The following VEPH1 variants were observed in gnomAD, a reference collection of about 807,000 sequenced individuals.
VEPH1 encodes the protein ventricular zone expressed PH domain containing 1.
VEPH1 carries 80 observed loss-of-function variants against 85.2 expected under a neutral mutation model. That is an observed-to-expected ratio of 0.94 (90% CI 0.78 to 1.13). The LOEUF (loss-of-function observed/expected upper bound fraction) is 1.13. Ranked by LOEUF, VEPH1 falls within the 50% of genes most tolerant of loss-of-function variation. The pLI, the probability that VEPH1 is intolerant of heterozygous loss-of-function variation, is 0.00. For missense variants in VEPH1, 955 were observed against 980.5 expected (o/e 0.97, Z 0.35); for synonymous variants, 297 against 348.0 (o/e 0.85, Z 1.63).
intron 11 of VEPH1, among the ~76,000 whole-genome samples, chr3:157,304,224 C>G (rs1271724163): frequency 6.6e-6 from 1 of 151,930 alleles, no homozygotes; most frequent in Non-Finnish European, 1.5e-5. Context: ...CCTTGACACT[C>G]CTGTCAGTTA....
At chr3:157,388,306 T>C (rs1374128439) in intron 6 of VEPH1, among the ~76,000 whole-genome samples, 4 of 152,192 alleles carry the variant, frequency 2.6e-5, no homozygotes, top group African/African-American at 9.6e-5. Flanking sequence ...GAGAGTCTCT[T>C]TCTTAATTGA....
intron 1 of VEPH1, among the ~76,000 whole-genome samples, chr3:157,500,897 G>A (rs1351170668): frequency 6.6e-6 from 1 of 152,110 alleles, no homozygotes; most frequent in African/African-American, 2.4e-5. Flanking sequence ...GACTCCCTGA[G>A]CCTGGAATTC....
chr3:157,360,256 C>A (rs1481894912), intron 9 of VEPH1, among the ~76,000 whole-genome samples: 2 of 152,076 alleles, frequency 1.3e-5, no homozygotes, highest in Non-Finnish European at 2.9e-5. Context: ...TCTTTCTCAG[C>A]GGATGTATTA....
intron 11 of VEPH1, among the ~76,000 whole-genome samples, chr3:157,309,881 G>T (rs1409318168): frequency 1.3e-5 from 2 of 152,150 alleles, no homozygotes; most frequent in Non-Finnish European, 2.9e-5. Context: ...CTGGGTTCCA[G>T]CAATTCTTCT....
intron 11 of VEPH1, among the ~76,000 whole-genome samples, chr3:157,312,899 CATTT>C (rs1720267217): frequency 3.7e-5 from 3 of 82,086 alleles, no homozygotes; most frequent in South Asian, 3.7e-4. Context: ...TAAAAAAAAA[CATTT>C]TTTTTTTTTT....
intron 6 of VEPH1, among the ~76,000 whole-genome samples, chr3:157,393,292 T>C (rs1204566663): frequency 1.3e-5 from 2 of 152,184 alleles, no homozygotes; most frequent in Non-Finnish European, 2.9e-5. Flanking sequence ...TAGGAGATAA[T>C]AAATATTTTT....
intron 11 of VEPH1, among the ~76,000 whole-genome samples, chr3:157,295,531 G>C (rs1288721760): frequency 3.3e-5 from 5 of 152,138 alleles, no homozygotes. Flanking sequence ...TGGACTTAGA[G>C]AGAAGGTATT....
chr3:157,261,545 A>T (rs1401164867), intron 13 of VEPH1, among the ~76,000 whole-genome samples, 175 bp from the exon 14 acceptor site: 1 of 152,248 alleles, frequency 6.6e-6, no homozygotes, highest in East Asian at 1.9e-4. Flanking sequence ...GGAGTGAGCA[A>T]TTGGGCCTTT....
chr3:157,295,470 A>T (rs1453831333), intron 11 of VEPH1, among the ~76,000 whole-genome samples: 4 of 152,124 alleles, frequency 2.6e-5, no homozygotes, highest in Admixed American at 2.6e-4. Context: ...CATTTTGTTG[A>T]CATGTTTACT....
At chr3:157,464,949 G>T (rs1736226132) in intron 3 of VEPH1, among the ~76,000 whole-genome samples, 3 of 152,110 alleles carry the variant, frequency 2.0e-5, no homozygotes, top group African/African-American at 7.2e-5. Flanking sequence ...ATATAAAATG[G>T]TTCATTCTTC....
At chr3:157,308,648 A>T (rs1025315829) in intron 11 of VEPH1, among the ~76,000 whole-genome samples, 1 of 152,056 alleles carries the variant, frequency 6.6e-6, no homozygotes, top group Non-Finnish European at 1.5e-5. Flanking sequence ...TTCATAAGAG[A>T]TAAAAAATAA....
chr3:157,299,170 G>A lies in VEPH1; in HGVS notation c.2011-12496C>T, dbSNP rs1421156622. Among the ~76,000 whole-genome samples the A allele has an allele frequency of 2.0e-5, 3 of 152,228 alleles. No homozygotes were observed. In the East Asian group the frequency reaches 5.8e-4, roughly 29 times the overall value. On this transcript the variant is annotated intron_variant, in intron 11 of 13. Transcript: ENST00000362010. ...TTTAGTGAAACTTAGCTTCTAACATGGAAATTTATTATTCAGTTTGAGCAG... is the reference window on the plus strand; with the variant it reads ...TTTAGTGAAACTTAGCTTCTAACATAGAAATTTATTATTCAGTTTGAGCAG...
intron 2 of VEPH1, among the ~76,000 whole-genome samples, chr3:157,479,399 T>C (rs1485050911): frequency 6.6e-6 from 1 of 152,190 alleles, no homozygotes; most frequent in Non-Finnish European, 1.5e-5. Flanking sequence ...CAGGCTTGTT[T>C]ATCAGGATGG....
intron 3 of VEPH1, among the ~76,000 whole-genome samples, chr3:157,468,396 A>C (rs1343664445): frequency 6.6e-6 from 1 of 152,174 alleles, no homozygotes; most frequent in Non-Finnish European, 1.5e-5. Context: ...AATATGGTGA[A>C]ACCCCTTCTC....
intron 11 of VEPH1, among the ~76,000 whole-genome samples, chr3:157,294,933 A>G (rs530039004): frequency 1.3e-5 from 2 of 152,286 alleles, no homozygotes; most frequent in South Asian, 4.1e-4. Context: ...CAAGCTGGAG[A>G]CATTAGTCTT....
intron 4 of VEPH1, among the ~76,000 whole-genome samples, chr3:157,455,692 CTG>C (rs1373102532): frequency 6.6e-6 from 1 of 152,112 alleles, no homozygotes; most frequent in Non-Finnish European, 1.5e-5. Context: ...TTTCCTGTTC[CTG>C]TGTTAGCTTG....
At chr3:157,489,933 A>AT in intron 2 of VEPH1, among the ~76,000 whole-genome samples, 1 of 152,002 alleles carries the variant, frequency 6.6e-6, no homozygotes, top group East Asian at 1.9e-4. Context: ...GGAAAATATA[A>AT]TTTTAAAAAA....
At chr3:157,284,570 C>T (rs970992960) in intron 12 of VEPH1, among the ~76,000 whole-genome samples, 1 of 151,596 alleles carries the variant, frequency 6.6e-6, no homozygotes, top group South Asian at 2.1e-4. Context: ...TATGTTAGAC[C>T]TTTCACTTAG....
intron 9 of VEPH1, among the ~76,000 whole-genome samples, chr3:157,331,717 A>T (rs1722525832): frequency 6.6e-6 from 1 of 152,254 alleles, no homozygotes; most frequent in African/African-American, 2.4e-5. Context: ...TCAGGCAAAT[A>T]AATAATAAGA....
Sources: gnomAD v4.1 joint callset for allele counts (sites outside exome capture counted in the v4.1 genomes callset) on GRCh38, gnomAD v4.1.1 for gene constraint, MANE v1.5 for transcripts, NCBI Gene and HGNC (gene_info 2026-07-23, HGNC 2026-07-21) for gene names.